Variants in PACRG observed in about 807,000 individuals in gnomAD.
PACRG encodes the protein parkin coregulated gene protein.
Under a neutral mutation model 29.7 loss-of-function variants are expected in PACRG, and 29 were observed. The ratio of observed to expected loss-of-function variants is 0.98; its 90% CI spans 0.73 to 1.33. The LOEUF (loss-of-function observed/expected upper bound fraction) is 1.33, where lower values mean the gene tolerates loss of function less well. PACRG is among the 40% of genes most tolerant of loss of function. PACRG has a pLI of 0.00. For missense variants in PACRG, 279 were observed against 316.2 expected (o/e 0.88, Z 0.89); for synonymous variants, 116 against 118.7 (o/e 0.98, Z 0.15).
chr6:162,966,766 G>T (rs761342829), intron 2 of PACRG, among the ~76,000 whole-genome samples: 7 of 145,438 alleles, frequency 4.8e-5, no homozygotes, highest in Non-Finnish European at 9.1e-5. Context: ...GTGAGCCCCC[G>T]CACCCGGCCC....
intron 4 of PACRG, among the ~76,000 whole-genome samples, chr6:163,155,566 T>A (rs184112398): frequency 1.2e-4 from 18 of 152,340 alleles, no homozygotes; most frequent in African/African-American, 3.6e-4. Context: ...CTCTAGAAAC[T>A]TTTTGGAGTG....
At chr6:162,805,050 G>T (rs984322556) in intron 1 of PACRG, among the ~76,000 whole-genome samples, 2 of 152,130 alleles carry the variant, frequency 1.3e-5, no homozygotes, top group African/African-American at 4.8e-5. Flanking sequence ...GTAAGTACTT[G>T]TGTATCTTAA....
At chr6:163,026,172 G>C (rs1807113108) in intron 2 of PACRG, among the ~76,000 whole-genome samples, 1 of 152,124 alleles carries the variant, frequency 6.6e-6, no homozygotes, top group African/African-American at 2.4e-5. Flanking sequence ...AAATCAATTT[G>C]ATAAAAGGGA....
Position 163,215,117 on chromosome 6 carries a change from A to AT in PACRG, c.614-99700dup, listed in dbSNP as rs561234597. 4.0e-3 allele frequency among the ~76,000 whole-genome samples: 595 copies of AT among 148,684 alleles called. 1 individual carries two copies. Among genetic ancestry groups the AT allele is most frequent in the Admixed American group, 3.6e-3 (53 of 14,820 alleles). Reference sequence around the variant, plus strand: ...GAAATAAATGCCACTCAGTCACGGCATTTTTTTTTTGTGCAATGTACTGCT... The same window carrying AT: ...GAAATAAATGCCACTCAGTCACGGCATTTTTTTTTTTGTGCAATGTACTGCT... On this transcript the variant is annotated intron_variant, in intron 4 of 4. Transcript: ENST00000366888.
At chr6:163,142,289 T>C (rs1562936846) in intron 4 of PACRG, among the ~76,000 whole-genome samples, 1 of 151,894 alleles carries the variant, frequency 6.6e-6, no homozygotes, top group African/African-American at 2.4e-5. Context: ...AAATAGCAAA[T>C]AAAATACACG....
chr6:163,218,481 A>G (rs1272296688), intron 4 of PACRG, among the ~76,000 whole-genome samples: 1 of 152,020 alleles, frequency 6.6e-6, no homozygotes, highest in African/African-American at 2.4e-5. Context: ...AGTGCTTTCC[A>G]TGGCCACGTC....
chr6:163,250,050 GGCATTCTTCC>G (rs1782842309), intron 4 of PACRG, among the ~76,000 whole-genome samples: 1 of 152,160 alleles, frequency 6.6e-6, no homozygotes, highest in Non-Finnish European at 1.5e-5. Context: ...AATAGTTGGT[GGCATTCTTCC>G]AAGTGGTCAT....
intron 1 of PACRG, among the ~76,000 whole-genome samples, chr6:162,760,862 C>G (rs1369517852): frequency 1.3e-5 from 2 of 152,012 alleles, no homozygotes; most frequent in African/African-American, 4.8e-5. Context: ...ACAGGGAGAC[C>G]AGTTAGGAGG....
chr6:162,958,013 G>A (rs1480183376), intron 2 of PACRG, among the ~76,000 whole-genome samples: 1 of 152,186 alleles, frequency 6.6e-6, no homozygotes, highest in Non-Finnish European at 1.5e-5. Flanking sequence ...TATAAAACAT[G>A]CTTATGCTTT....
chr6:163,179,105 T>G, intron 4 of PACRG: 1 of 417,774 alleles, frequency 2.4e-6, no homozygotes, highest in Non-Finnish European at 4.9e-6. Context: ...AGCTTAGGTT[T>G]CAATGGTGGG....
chr6:162,794,006 A>T (rs1785167000), intron 1 of PACRG, among the ~76,000 whole-genome samples: 2 of 152,202 alleles, frequency 1.3e-5, no homozygotes, highest in Admixed American at 6.5e-5. Flanking sequence ...AGTTAAATTT[A>T]AAAAGTATGC....
At chr6:162,916,212 T>C (rs889907416) in intron 2 of PACRG, among the ~76,000 whole-genome samples, 2 of 152,190 alleles carry the variant, frequency 1.3e-5, no homozygotes, top group Non-Finnish European at 2.9e-5. Context: ...GATGCTATTC[T>C]ACTGTCTTAT....
chr6:163,093,924 G>A (rs1316281356), intron 4 of PACRG, among the ~76,000 whole-genome samples: 1 of 152,214 alleles, frequency 6.6e-6, no homozygotes, highest in East Asian at 1.9e-4. Context: ...TAGGATGTTT[G>A]TACCAGGTCT....
intron 2 of PACRG, among the ~76,000 whole-genome samples, chr6:162,852,000 G>GAA (rs59088577): frequency 0.21 from 25,872 of 123,976 alleles, 2,733 homozygotes; most frequent in Non-Finnish European, 0.27. Flanking sequence ...AGGGAGGGAG[G>GAA]GAGGGAGGAA....
intron 3 of PACRG, among the ~76,000 whole-genome samples, chr6:163,072,186 A>G (rs1303399492): frequency 6.6e-6 from 1 of 152,152 alleles, no homozygotes; most frequent in Non-Finnish European, 1.5e-5. Context: ...ATATTGATGG[A>G]AAATCCTCAA....
intron 1 of PACRG, among the ~76,000 whole-genome samples, chr6:162,734,237 G>C (rs1779988939): frequency 6.6e-6 from 1 of 151,536 alleles, no homozygotes; most frequent in Non-Finnish European, 1.5e-5. Context: ...ATTGAAAAAA[G>C]TTAAAGTGGT....
At chr6:163,273,365 T>G (rs1783911033) in intron 4 of PACRG, among the ~76,000 whole-genome samples, 1 of 152,176 alleles carries the variant, frequency 6.6e-6, no homozygotes, top group African/African-American at 2.4e-5. Flanking sequence ...TTGTTTTGTT[T>G]GTCGTTCTTG....
intron 1 of PACRG, among the ~76,000 whole-genome samples, chr6:162,774,987 A>G (rs1783530702): frequency 6.6e-6 from 1 of 152,176 alleles, no homozygotes; most frequent in Non-Finnish European, 1.5e-5. Flanking sequence ...CGATGGCCTC[A>G]GTGTTTATGT....
chr6:163,211,181 G>A (rs1410481662), intron 4 of PACRG, among the ~76,000 whole-genome samples: 1 of 151,992 alleles, frequency 6.6e-6, no homozygotes, highest in African/African-American at 2.4e-5. Flanking sequence ...GACAGAGTTA[G>A]CAATTCTCCT....
Sources: gnomAD v4.1 joint callset for allele counts (sites outside exome capture counted in the v4.1 genomes callset) on GRCh38, gnomAD v4.1.1 for gene constraint, MANE v1.5 for transcripts, NCBI Gene and HGNC (gene_info 2026-07-23, HGNC 2026-07-21) for gene names.